Variants in FBN1 observed in about 807,000 individuals in gnomAD.
FBN1 encodes fibrillin-1.
A neutral mutation model predicts 365.1 loss-of-function variants in FBN1; 29 were observed. The observed-to-expected ratio is 0.08, with a 90% CI of 0.06 to 0.11. FBN1 has a LOEUF of 0.11. Among genes scored for constraint, FBN1 ranks in the 10% least tolerant of loss-of-function variants. FBN1 has a pLI of 1.00. For synonymous variants in FBN1, 1,210 were observed against 1,270.5 expected, an observed-to-expected ratio of 0.95 and a Z score of 1.01; for missense variants, 2,476 against 3,703.2, an observed-to-expected ratio of 0.67 and a Z score of 8.60.
At chr15:48,516,875 T>C (rs1030486534) in intron 10 of FBN1, among the ~76,000 whole-genome samples, 3 of 152,082 alleles carry the variant, frequency 2.0e-5, no homozygotes, top group Non-Finnish European at 4.4e-5. Context: ...GGGGAGATGA[T>C]GATGTCCGGA....
Position 48,445,417 on chromosome 15 carries a change from T to C in FBN1, c.5876A>G (p.Asn1959Ser), listed in dbSNP as rs773486280. The C allele has an allele frequency of 8.1e-6, 13 of 1,612,752 alleles. No individual in the cohort carries two copies. The highest frequency in any genetic ancestry group is 1.7e-4 in the Middle Eastern group (1 of 6,054). The change falls in exon 48 of 66, where the codon AAT (asparagine) becomes AGT (serine). Residue 1959 changes from asparagine to serine, a missense_variant. Physicochemically the swap from Asn to Ser is conservative, Grantham distance 46 (BLOSUM62 1). Coordinates refer to ENST00000316623, the MANE Select transcript of FBN1 (RefSeq NM_000138.5). The stretch of plus-strand genomic sequence containing the variant: ...ATCTGGAGCCACCTCATAGCCTTCA[T>C]TGCACTGGCACTGGAAAGACCCCAC... ...NTVGSFQCQC[N>S]EGYEVAPDGR...
chr15:48,520,381 A>G (rs1164320194), intron 10 of FBN1, among the ~76,000 whole-genome samples: 2 of 152,200 alleles, frequency 1.3e-5, no homozygotes, highest in African/African-American at 4.8e-5. Flanking sequence ...GAGAGCCATT[A>G]AGTACTAAAA....
intron 6 of FBN1, among the ~76,000 whole-genome samples, chr15:48,583,857 C>T (rs1011772641): frequency 6.6e-6 from 1 of 152,170 alleles, no homozygotes; most frequent in Admixed American, 6.5e-5. Flanking sequence ...TGAATGTGTA[C>T]TAAAGAAAAG....
chr15:48,494,380 A>G (rs567280490), intron 22 of FBN1, 126 bp from the exon 23 acceptor site: 11 of 751,248 alleles, frequency 1.5e-5, no homozygotes, highest in Admixed American at 4.0e-5. Flanking sequence ...TTGTGTTGCT[A>G]TAAGTATGAG....
chr15:48,494,498 C>T (rs1252077753), intron 22 of FBN1, among the ~76,000 whole-genome samples: 1 of 152,152 alleles, frequency 6.6e-6, no homozygotes, highest in East Asian at 1.9e-4. Flanking sequence ...CAGACGTGCC[C>T]TATAGATCAT....
At chr15:48,518,238 C>T (rs2043820818) in intron 10 of FBN1, among the ~76,000 whole-genome samples, 1 of 152,184 alleles carries the variant, frequency 6.6e-6, no homozygotes, top group African/African-American at 2.4e-5. Context: ...TCTGTACGTG[C>T]CATATCCACC....
chr15:48,609,224 G>A (rs1247041056), intron 4 of FBN1, among the ~76,000 whole-genome samples: 2 of 152,114 alleles, frequency 1.3e-5, no homozygotes, highest in Admixed American at 6.5e-5. Flanking sequence ...GCTATTACTC[G>A]GAAGATGCAT....
intron 24 of FBN1, among the ~76,000 whole-genome samples, 197 bp downstream of exon 24, chr15:48,492,264 G>A (rs2043566453): frequency 2.0e-5 from 3 of 152,196 alleles, no homozygotes; most frequent in African/African-American, 7.2e-5. Context: ...AGGAATAGTT[G>A]CATATCAACA....
In FBN1 at chr15:48,411,220, C is replaced by T. The variant is rs112310699; in HGVS notation, c.8386G>A (p.Glu2796Lys). The change falls in exon 66 of 66, where the codon GAA becomes AAA. Residue 2796 changes from glutamate to lysine, a missense_variant. This residue lies in a region of FBN1 where 177 missense variants were observed against 192.7 expected (regional missense o/e 0.92). Transcript: ENST00000316623. ...TLTNHNRYLIESGNEDGFFKI... is the reference protein window; with the variant it reads ...TLTNHNRYLIKSGNEDGFFKI... ...AAGAAGCCATCTTCATTTCCAGATT[C>T]GATCAAGTATCTGTTGTGATTCGTC... The T allele has an allele frequency of 1.6e-5, 26 of 1,614,110 alleles. No individual in the cohort carries two copies. Among genetic ancestry groups the T allele is most frequent in the East Asian group, 1.1e-4 (5 of 44,870 alleles).
chr15:48,490,013 G>A lies in FBN1; in HGVS notation c.2920C>T (p.Arg974Cys), dbSNP rs397514558. 6.2e-7 allele frequency: 1 copy of A among 1,613,962 alleles called. No homozygotes were observed. The highest frequency in any genetic ancestry group is 8.5e-7 in the Non-Finnish European group (1 of 1,180,046). The change falls in exon 25 of 66, where the codon CGC (arginine) becomes TGC (cysteine). Residue 974 changes from arginine to cysteine, a missense_variant. By Grantham distance (180) the Arg-to-Cys change is radical. This residue lies in a region of FBN1 where 1,780 missense variants were observed against 2,840.8 expected (regional missense o/e 0.63). Transcript: ENST00000316623. ...CAGCAGCAGGCGTCCATGCGGTGGC[G>A]GCCAGCAATAGGCAGGGTGCACTCC... ...DEECTLPIAG[R>C]HRMDACCCSV...
At chr15:48,503,983 A>T (rs917909895) in intron 16 of FBN1, 44 bp from the exon 17 acceptor site, 1 of 1,611,962 alleles carries the variant, frequency 6.2e-7, no homozygotes, top group Non-Finnish European at 8.5e-7. Flanking sequence ...CACTTCAAAC[A>T]GATGAGAACC....
At chr15:48,469,079 A>AAAAT (rs1555397269) in intron 36 of FBN1, among the ~76,000 whole-genome samples, 4 of 98,868 alleles carry the variant, frequency 4.0e-5, no homozygotes, top group African/African-American at 1.8e-4. Flanking sequence ...AAAAAAAAAA[A>AAAAT]ATATATATAT....
intron 9 of FBN1, among the ~76,000 whole-genome samples, chr15:48,525,671 T>C (rs2043904712): frequency 6.6e-6 from 1 of 152,080 alleles, no homozygotes; most frequent in Admixed American, 6.5e-5. Flanking sequence ...TGAGCAAGAG[T>C]GTTATTTAAT....
intron 6 of FBN1, among the ~76,000 whole-genome samples, chr15:48,543,950 A>G (rs1410222367): frequency 6.6e-6 from 1 of 151,816 alleles, no homozygotes; most frequent in East Asian, 1.9e-4. Flanking sequence ...ACATATTTTA[A>G]TATATATTTT....
At chr15:48,642,279 T>TGA (rs1291556781) in intron 2 of FBN1, 1 of 152,184 alleles carries the variant, frequency 6.6e-6, no homozygotes, top group Admixed American at 6.5e-5. Flanking sequence ...CTCTGGAGGC[T>TGA]GAGGCAGGAG....
rs1206616063 is a variant in FBN1 at position 48,520,680 on chromosome 15, T to C, written c.1126A>G (p.Met376Val). The C allele has an allele frequency of 6.2e-7, 1 of 1,613,934 alleles. No individual in the cohort carries two copies. Among genetic ancestry groups the C allele is most frequent in the Admixed American group, 1.7e-5 (1 of 59,986 alleles). Residue 376 changes from methionine to valine, a missense_variant, in exon 10 of 66, where the codon ATG becomes GTG. Around this residue, in one of 5 missense-constraint regions of FBN1, gnomAD observed 421 missense variants for 520.1 expected, o/e 0.81. Transcript: ENST00000316623. ...WSPGVTVAPE[M>V]CPIRATEDFN... ...TTACCGGTTGCTCTGATGGGACACATCTCAGGGGCGACAGTGACCCCTGGA... is the reference window on the plus strand; with the variant it reads ...TTACCGGTTGCTCTGATGGGACACACCTCAGGGGCGACAGTGACCCCTGGA...
intron 15 of FBN1, among the ~76,000 whole-genome samples, chr15:48,505,357 A>G (rs1275731495): frequency 6.6e-6 from 1 of 152,232 alleles, no homozygotes; most frequent in Non-Finnish European, 1.5e-5. Flanking sequence ...ATTTTCCATA[A>G]AAAGTAACTT....
In FBN1 at chr15:48,427,305, T is replaced by C. The variant is rs565099103; in HGVS notation, c.7204+262A>G. 2.3e-4 allele frequency among the ~76,000 whole-genome samples: 35 copies of C among 152,256 alleles called. No individual in the cohort carries two copies. The highest frequency in any genetic ancestry group is 3.9e-4 in the Admixed American group (6 of 15,284). ...ATATTCTGAGTAGCCAATTGACTTA[T>C]AGTAAACGGTTTAAAAAGTTGAAGA... On this transcript the variant is annotated intron_variant, in intron 58 of 65. Coordinates refer to ENST00000316623, the MANE Select transcript of FBN1 (RefSeq NM_000138.5).
intron 45 of FBN1, among the ~76,000 whole-genome samples, chr15:48,449,841 T>C (rs1699974820): frequency 6.6e-6 from 1 of 152,202 alleles, no homozygotes; most frequent in African/African-American, 2.4e-5. Flanking sequence ...GCCTGCAATG[T>C]CTACTCAGAA....
Sources: gnomAD v4.1 joint callset for allele counts (sites outside exome capture counted in the v4.1 genomes callset) on GRCh38, gnomAD v4.1.1 for gene constraint, gnomAD v4.1.1 regional missense constraint, MANE v1.5 for transcripts, NCBI Gene and HGNC (gene_info 2026-07-23, HGNC 2026-07-21) for gene names.